DPYS: variants seen among roughly 807,000 people sequenced by gnomAD.
The protein encoded by DPYS is dihydropyrimidinase.
DPYS carries 39 observed loss-of-function variants against 50.3 expected under a neutral mutation model. The observed-to-expected ratio is 0.78, with a 90% CI of 0.60 to 1.01. DPYS has a LOEUF of 1.01. Ranked by LOEUF, DPYS falls within the 50% of genes least tolerant of loss-of-function variation. The probability of loss-of-function intolerance (pLI) is 0.00; values close to 1 mark genes in which losing one functional copy is unlikely to be tolerated. For missense variants in DPYS, 659 were observed against 680.9 expected, an observed-to-expected ratio of 0.97 and a Z score of 0.36; for synonymous variants, 245 against 250.7, an observed-to-expected ratio of 0.98 and a Z score of 0.22.
intron 7 of DPYS, among the ~76,000 whole-genome samples, chr8:104,400,981 C>G (rs138170948): frequency 6.6e-6 from 1 of 152,194 alleles, no homozygotes; most frequent in African/African-American, 2.4e-5. Flanking sequence ...CAACACCACC[C>G]ATATGCATTC....
intron 1 of DPYS, 144 bp downstream of exon 1, chr8:104,466,513 C>G: frequency 1.0e-6 from 1 of 979,536 alleles, no homozygotes; most frequent in Non-Finnish European, 1.4e-6. Flanking sequence ...CTCTGACACC[C>G]GCCGGGGCTG....
intron 7 of DPYS, among the ~76,000 whole-genome samples, chr8:104,402,033 C>T (rs1292502101): frequency 6.6e-6 from 1 of 152,174 alleles, no homozygotes; most frequent in Non-Finnish European, 1.5e-5. Context: ...TATAAAAATG[C>T]TCCCCAAGCA....
In DPYS at chr8:104,409,950, C is replaced by T. The variant is rs567051802; in HGVS notation, c.1235+14297G>A. On this transcript the variant is annotated intron_variant, in intron 7 of 9. Coordinates refer to ENST00000351513, the MANE Select transcript of DPYS (RefSeq NM_001385.3). ...ATGCCATGTCCCTTAACCATTGGGCCTAATCTTTTACCTTGTATTATAGTT... is the reference window on the plus strand; with the variant it reads ...ATGCCATGTCCCTTAACCATTGGGCTTAATCTTTTACCTTGTATTATAGTT... Among the ~76,000 whole-genome samples, 5 of 152,246 alleles carry T rather than the reference C, an allele frequency of 3.3e-5. No homozygotes were observed. In the East Asian group the frequency reaches 7.7e-4, roughly 24 times the overall value.
At chr8:104,381,818 C>T (rs559785399) in intron 8 of DPYS, among the ~76,000 whole-genome samples, 14 of 143,476 alleles carry the variant, frequency 9.8e-5, no homozygotes, top group Non-Finnish European at 1.7e-4. Context: ...CTGGATTCAG[C>T]GAGAGCTGTC....
intron 7 of DPYS, among the ~76,000 whole-genome samples, chr8:104,400,612 C>G (rs2140541988): frequency 6.6e-6 from 1 of 152,232 alleles, no homozygotes; most frequent in Admixed American, 6.5e-5. Flanking sequence ...GAGTTCCTGG[C>G]CGCTGACTCA....
intron 7 of DPYS, among the ~76,000 whole-genome samples, chr8:104,399,633 G>A (rs1239481296): frequency 6.6e-6 from 1 of 151,754 alleles, no homozygotes; most frequent in African/African-American, 2.4e-5. Context: ...ACTTTGGGAG[G>A]CCGAGGTGGG....
intron 4 of DPYS, among the ~76,000 whole-genome samples, chr8:104,438,872 C>T (rs1349031301): frequency 6.6e-6 from 1 of 151,988 alleles, no homozygotes; most frequent in Admixed American, 6.6e-5. Context: ...AGCCTGAGAC[C>T]AGCCTGGGCA....
At chr8:104,421,654 A>G (rs1812551653) in intron 7 of DPYS, among the ~76,000 whole-genome samples, 1 of 152,202 alleles carries the variant, frequency 6.6e-6, no homozygotes, top group African/African-American at 2.4e-5. Context: ...ACAAACAAAA[A>G]AGAAATGTGA....
chr8:104,422,908 A>G (rs1016071884), intron 7 of DPYS, among the ~76,000 whole-genome samples: 2 of 152,204 alleles, frequency 1.3e-5, no homozygotes, highest in African/African-American at 2.4e-5. Context: ...AGCATGCTCA[A>G]TTCAGCCACA....
At chr8:104,449,418 C>A (rs1330073242) in intron 2 of DPYS, among the ~76,000 whole-genome samples, 1 of 152,182 alleles carries the variant, frequency 6.6e-6, no homozygotes, top group Non-Finnish European at 1.5e-5. Flanking sequence ...TTCAGCCTTC[C>A]TCCTCCAAAA....
Position 104,399,308 on chromosome 8 carries a change from A to AC in DPYS, c.1236-6318_1236-6317insG, listed in dbSNP as rs1287376703. Among the ~76,000 whole-genome samples the AC allele has an allele frequency of 2.7e-3, 107 of 39,034 alleles. 3 individuals carry two copies. Among genetic ancestry groups the AC allele is most frequent in the African/African-American group, 5.8e-3 (98 of 16,812 alleles). 25.6% of individuals were successfully genotyped at this position (39,034 alleles called of 152,430 possible). A position where few individuals can be genotyped will look rare whatever the true frequency, so the allele number is the denominator to read the frequency against. On this transcript the variant is annotated intron_variant, in intron 7 of 9. Transcript: ENST00000351513. ...TCCATCTCAAAAAAAAAAAAAAAAA[A>AC]AACAACAACAAAAAAAAACCAAGAA...
In DPYS at chr8:104,444,354, G is replaced by T; in HGVS notation, c.687C>A (p.Ala229=). 1 of 1,614,270 alleles carries T rather than the reference G, an allele frequency of 6.2e-7. No homozygotes were observed. Residue 229 remains alanine (A), a synonymous_variant, in exon 4 of 10, where the codon GCC becomes GCA. Coordinates refer to ENST00000351513, the MANE Select transcript of DPYS (RefSeq NM_001385.3). ...LCRPEAVEAE[A]TLRAITIASA... is the part of the protein sequence containing the mutation. Reference sequence around the variant, plus strand: ...TGGCTATGGTGATGGCTCTCAGCGTGGCCTCTGCCTCCACTGCCTCTGGGC... The same window carrying T: ...TGGCTATGGTGATGGCTCTCAGCGTTGCCTCTGCCTCCACTGCCTCTGGGC...
At chr8:104,386,713 C>T (rs1050112119) in intron 8 of DPYS, among the ~76,000 whole-genome samples, 4 of 151,584 alleles carry the variant, frequency 2.6e-5, no homozygotes, top group Admixed American at 2.0e-4. Context: ...CTGCAACCTC[C>T]GCCTTCTGAG....
At chr8:104,465,993 T>C (rs1814369778) in intron 1 of DPYS, among the ~76,000 whole-genome samples, 1 of 151,500 alleles carries the variant, frequency 6.6e-6, no homozygotes, top group African/African-American at 2.4e-5. Context: ...TGTGTGTGAG[T>C]GTTGCGAGAT....
chr8:104,447,769 G>A (rs75400504), intron 2 of DPYS, among the ~76,000 whole-genome samples: 2,725 of 152,236 alleles, frequency 0.018, 74 homozygotes, highest in African/African-American at 0.062. Context: ...TTCTGTACTT[G>A]GATGTAAAAT....
At chr8:104,423,435 G>A (rs746449817) in intron 7 of DPYS, among the ~76,000 whole-genome samples, 1 of 152,166 alleles carries the variant, frequency 6.6e-6, no homozygotes, top group Non-Finnish European at 1.5e-5. Context: ...AATTGAAGCT[G>A]GGCCTTTGTG....
intron 7 of DPYS, among the ~76,000 whole-genome samples, chr8:104,393,228 G>A (rs1811459172): frequency 6.6e-6 from 1 of 152,212 alleles, no homozygotes; most frequent in South Asian, 2.1e-4. Flanking sequence ...ATTAATGAGG[G>A]TGGAGTGAGT....
intron 3 of DPYS, among the ~76,000 whole-genome samples, chr8:104,445,808 G>A (rs1021082677): frequency 3.3e-5 from 5 of 152,200 alleles, no homozygotes; most frequent in Non-Finnish European, 5.9e-5. Context: ...CACTTTGGGA[G>A]GCTGAGGTGG....
chr8:104,442,205 C>T (rs1451072363), intron 4 of DPYS, among the ~76,000 whole-genome samples: 1 of 152,064 alleles, frequency 6.6e-6, no homozygotes, highest in Admixed American at 6.6e-5. Flanking sequence ...AAATAATTTA[C>T]AATAAAATTA....
Sources: allele counts gnomAD v4.1 joint callset (sites outside exome capture counted in the v4.1 genomes callset), GRCh38; gene constraint gnomAD v4.1.1; transcripts MANE v1.5; gene names NCBI Gene and HGNC (gene_info 2026-07-23, HGNC 2026-07-21).